Variants in KREMEN1 observed in about 807,000 individuals in gnomAD.
KREMEN1 encodes the protein kremen protein 1.
In KREMEN1, 30 loss-of-function variants were observed where a neutral mutation model predicts 46.5. That is an observed-to-expected ratio of 0.65 (90% CI 0.48 to 0.88). The LOEUF (loss-of-function observed/expected upper bound fraction) is 0.88, where lower values mean the gene tolerates loss of function less well. Among genes scored for constraint, KREMEN1 ranks in the 40% least tolerant of loss-of-function variants. KREMEN1 has a pLI of 0.00. For synonymous variants in KREMEN1, 214 were observed against 230.6 expected (o/e 0.93, Z 0.65); for missense variants, 533 against 596.9 (o/e 0.89, Z 1.11).
At chr22:29,134,749 G>C (rs1014585556) in intron 5 of KREMEN1, among the ~76,000 whole-genome samples, 3 of 152,162 alleles carry the variant, frequency 2.0e-5, no homozygotes, top group Non-Finnish European at 2.9e-5. Flanking sequence ...ATGCACATCA[G>C]GCTTTAAATT....
chr22:29,161,336 T>C (rs1445956372), intron 9 of KREMEN1, among the ~76,000 whole-genome samples: 1 of 151,304 alleles, frequency 6.6e-6, no homozygotes, highest in Non-Finnish European at 1.5e-5. Context: ...TGAAACCCCG[T>C]CTGTACTAAA....
chr22:29,126,788 G>C (rs1436937489), intron 5 of KREMEN1, among the ~76,000 whole-genome samples: 2 of 152,210 alleles, frequency 1.3e-5, no homozygotes, highest in Non-Finnish European at 2.9e-5. Context: ...TTAGTGAACA[G>C]AACTTACAGT....
intron 8 of KREMEN1, among the ~76,000 whole-genome samples, chr22:29,141,297 G>C (rs1428576108): frequency 7.1e-6 from 1 of 140,838 alleles, no homozygotes; most frequent in African/African-American, 2.6e-5. Flanking sequence ...GTGTGTGTGT[G>C]TCTGTGTGTG....
At chr22:29,108,162 C>G (rs538382858) in intron 3 of KREMEN1, among the ~76,000 whole-genome samples, 60 of 152,312 alleles carry the variant, frequency 3.9e-4, no homozygotes, top group African/African-American at 1.3e-3. Flanking sequence ...GGGCATGTAG[C>G]CTGTAGTCCA....
At chr22:29,093,872 C>T (rs1419313081) in intron 1 of KREMEN1, among the ~76,000 whole-genome samples, 3 of 152,292 alleles carry the variant, frequency 2.0e-5, no homozygotes, top group South Asian at 2.1e-4. Flanking sequence ...GAGCCACTGG[C>T]GAGAGCAGTG....
intron 5 of KREMEN1, among the ~76,000 whole-genome samples, chr22:29,137,105 A>G (rs543675331): frequency 2.0e-5 from 3 of 152,044 alleles, no homozygotes; most frequent in East Asian, 1.9e-4. Context: ...CCCTGCCCCA[A>G]CCTAGGCCAC....
Position 29,073,059 on chromosome 22 carries a change from A to C in KREMEN1, c.-72A>C. On this transcript the variant is annotated 5_prime_UTR_variant, in exon 1 of 9. It removes an upstream start codon present in the reference 5' UTR. Transcript: ENST00000400335. This position sits in a 1 kb window ranked among gnomAD's most constrained non-coding sequence, Gnocchi z 4.4. ...CACTCGGGCCCCGCGTCCTGCTCCC[A>C]TGGCCGCCCCCGGCTCCCCGCGCTG... is the stretch of plus-strand genomic sequence containing the variant. 1 of 336,444 alleles carries C rather than the reference A, an allele frequency of 3.0e-6. No individual in the cohort carries two copies. Among genetic ancestry groups the C allele is most frequent in the Non-Finnish European group, 4.2e-6 (1 of 238,058 alleles). 20.8% of individuals were successfully genotyped at this position (336,444 alleles called of 1,614,324 possible). A position where few individuals can be genotyped will look rare whatever the true frequency, so the allele number is the denominator to read the frequency against.
chr22:29,160,539 C>CAAAAAAAAAAAAAA (rs132303), intron 9 of KREMEN1, among the ~76,000 whole-genome samples: 16 of 103,484 alleles, frequency 1.5e-4, no homozygotes, highest in African/African-American at 4.7e-4. Flanking sequence ...GACTCCGTCT[C>CAAAAAAAAAAAAAA]AAAAAAAAAA....
intron 7 of KREMEN1, among the ~76,000 whole-genome samples, chr22:29,139,056 C>T (rs970943330): frequency 1.3e-5 from 2 of 152,236 alleles, no homozygotes; most frequent in Non-Finnish European, 2.9e-5. Flanking sequence ...TATTTTCCCA[C>T]ATTGAGATTA....
At chr22:29,167,200 T>C (rs966772733) in exon 10 of KREMEN1, 5 of 1,060,856 alleles carry the variant, frequency 4.7e-6, no homozygotes, top group African/African-American at 3.2e-5. Flanking sequence ...ACAGAAATGG[T>C]GGGCTCTCTC....
At chr22:29,090,933 A>T (rs1256174213) in intron 1 of KREMEN1, among the ~76,000 whole-genome samples, 3 of 152,174 alleles carry the variant, frequency 2.0e-5, no homozygotes, top group Non-Finnish European at 4.4e-5. Flanking sequence ...CCACTCTCAG[A>T]TGCCATCTCG....
intron 4 of KREMEN1, among the ~76,000 whole-genome samples, chr22:29,124,772 C>T (rs1007435640): frequency 3.3e-5 from 5 of 152,114 alleles, no homozygotes; most frequent in South Asian, 2.1e-4. Flanking sequence ...GGATTACAGA[C>T]GTAAGCCACC....
intron 9 of KREMEN1, chr22:29,166,963 C>T (rs1452877886): frequency 1.3e-5 from 15 of 1,133,138 alleles, no homozygotes; most frequent in African/African-American, 6.2e-5. Context: ...CAAAATCAGT[C>T]AAATGCTTCT....
In KREMEN1 at chr22:29,091,160, A is replaced by G. The variant is rs1325816109; in HGVS notation, c.98-3098A>G. On this transcript the variant is annotated intron_variant, in intron 1 of 8. Transcript: ENST00000400335. Reference sequence around the variant, plus strand: ...GGCTAATTTTGTATTTTTAGTAGAGACGGCGTTTCTCCATGTTGGCCAGGC... The same window carrying G: ...GGCTAATTTTGTATTTTTAGTAGAGGCGGCGTTTCTCCATGTTGGCCAGGC... Among the ~76,000 whole-genome samples the G allele has an allele frequency of 5.3e-5, 8 of 152,046 alleles. No homozygotes were observed. The East Asian group carries it at 1.3e-3, about 26-fold the overall frequency.
At chr22:29,095,711 T>G (rs2037873463) in intron 2 of KREMEN1, among the ~76,000 whole-genome samples, 1 of 152,202 alleles carries the variant, frequency 6.6e-6, no homozygotes, top group South Asian at 2.1e-4. Context: ...CTACATACCT[T>G]TGCTAACGCT....
At chr22:29,153,441 T>C (rs2038933537) in intron 9 of KREMEN1, among the ~76,000 whole-genome samples, 1 of 151,852 alleles carries the variant, frequency 6.6e-6, no homozygotes, top group Non-Finnish European at 1.5e-5. Flanking sequence ...CTCACTCTCC[T>C]GGGTTTGAAC....
chr22:29,097,946 C>A (rs2037907497), intron 2 of KREMEN1, among the ~76,000 whole-genome samples: 1 of 152,106 alleles, frequency 6.6e-6, no homozygotes, highest in Non-Finnish European at 1.5e-5. Flanking sequence ...CTTTGCGGGG[C>A]CGAGATGGGC....
chr22:29,157,498 C>A (rs1313263660), intron 9 of KREMEN1, among the ~76,000 whole-genome samples: 4 of 152,224 alleles, frequency 2.6e-5, no homozygotes, highest in African/African-American at 9.7e-5. Flanking sequence ...CCACCACGCC[C>A]AGCTAATTTT....
rs149693993 is a variant in KREMEN1 at position 29,144,465 on chromosome 22, C to T, written c.*2353C>T. 419 of 985,542 alleles carry T rather than the reference C, an allele frequency of 4.3e-4. 2 individuals carry two copies. The African/African-American group carries it at 7.0e-3, about 17-fold the overall frequency. 61.0% of individuals were successfully genotyped at this position (985,542 alleles called of 1,614,324 possible). On this transcript the variant is annotated 3_prime_UTR_variant, in exon 9 of 9. Coordinates refer to ENST00000400335, the MANE Select transcript of KREMEN1 (RefSeq NM_001039570.3). ...GCTGAGGGCACAGAGCTGCTCGGTG[C>T]AGCCTTCATGCTTTGATCTGGAAAG...
Sources: allele counts gnomAD v4.1 joint callset (sites outside exome capture counted in the v4.1 genomes callset), GRCh38; gene constraint gnomAD v4.1.1; non-coding constraint Gnocchi (gnomAD v3.1); transcripts MANE v1.5; gene names NCBI Gene and HGNC (gene_info 2026-07-23, HGNC 2026-07-21).